MAD1L1: variants seen among roughly 807,000 people sequenced by gnomAD.
MAD1L1 encodes mitotic spindle assembly checkpoint protein MAD1.
In MAD1L1, 95 loss-of-function variants were observed where a neutral mutation model predicts 96.9. That is an observed-to-expected ratio of 0.98 (90% CI 0.83 to 1.16). The LOEUF is 1.16. MAD1L1 is among the 50% of genes most tolerant of loss of function. The pLI is 0.00. For missense variants in MAD1L1, 1,007 were observed against 954.4 expected (o/e 1.06, Z -0.73); for synonymous variants, 473 against 396.6 (o/e 1.19, Z -2.29).
At chr7:1,992,188 G>C in intron 14 of MAD1L1, among the ~76,000 whole-genome samples, 2 of 150,182 alleles carry the variant, frequency 1.3e-5, no homozygotes, top group African/African-American at 2.5e-5. Flanking sequence ...AGCACCGCTG[G>C]GTGCCTGAGC....
chr7:1,981,395 G>A (rs1392998823), intron 14 of MAD1L1, among the ~76,000 whole-genome samples: 1 of 152,192 alleles, frequency 6.6e-6, no homozygotes, highest in Non-Finnish European at 1.5e-5. Flanking sequence ...ACGGGGGCCT[G>A]GTCAGGCAGG....
intron 14 of MAD1L1, among the ~76,000 whole-genome samples, chr7:1,982,787 CACTGGAGCT>C (rs917345754): frequency 1.3e-5 from 2 of 152,186 alleles, no homozygotes; most frequent in African/African-American, 4.8e-5. Flanking sequence ...CCTGTGGCTT[CACTGGAGCT>C]GAAGCCAATA....
At chr7:2,091,460 T>C (rs1394482894) in intron 11 of MAD1L1, among the ~76,000 whole-genome samples, 3 of 152,232 alleles carry the variant, frequency 2.0e-5, no homozygotes, top group African/African-American at 7.2e-5. Flanking sequence ...GGTCTGGCTT[T>C]TCTCACTTAG....
chr7:1,985,293 G>C (rs1389255637), intron 14 of MAD1L1, among the ~76,000 whole-genome samples: 2 of 152,226 alleles, frequency 1.3e-5, no homozygotes, highest in Admixed American at 6.5e-5. Flanking sequence ...TGGCCTGAGC[G>C]GGGCAGCTCC....
rs543954794 is a variant in MAD1L1 at position 1,819,682 on chromosome 7, G to A, written c.1999-3454C>T. 3.3e-5 allele frequency among the ~76,000 whole-genome samples: 5 copies of A among 152,254 alleles called. No individual in the cohort carries two copies. In the East Asian group the frequency reaches 7.7e-4, roughly 23 times the overall value. On this transcript the variant is annotated intron_variant, in intron 18 of 18. Coordinates refer to ENST00000265854, the MANE Select transcript of MAD1L1 (RefSeq NM_001013836.2). Reference sequence around the variant, plus strand: ...GAGCCGAGCCCCATGGTGTCCCAGCGGGCACGGACAAGAGGCACGGAGTGA... The same window carrying A: ...GAGCCGAGCCCCATGGTGTCCCAGCAGGCACGGACAAGAGGCACGGAGTGA...
rs567760101 is a variant in MAD1L1, at chr7:1,892,886, G to A, written c.1998+5314C>T. On this transcript the variant is annotated intron_variant, in intron 18 of 18. Coordinates refer to ENST00000265854, the MANE Select transcript of MAD1L1 (RefSeq NM_001013836.2). Reference sequence around the variant, plus strand: ...CAAACTGCATTTGCTCTGTGTCCCCGGCCTGGTCACTCCACTTCTTCTTAC... The same window carrying A: ...CAAACTGCATTTGCTCTGTGTCCCCAGCCTGGTCACTCCACTTCTTCTTAC... 5.9e-5 allele frequency among the ~76,000 whole-genome samples: 9 copies of A among 152,286 alleles called. No homozygotes were observed. The East Asian group carries it at 7.7e-4, about 13-fold the overall frequency.
Position 2,222,678 on chromosome 7 carries a change from T to G in MAD1L1, c.368A>C (p.Lys123Thr). Reference protein sequence around the residue: ...LQEREAGAEEKMQEQLERNRQ... With the variant: ...LQEREAGAEETMQEQLERNRQ... Reference sequence around the variant, plus strand: ...GTTGCGCTCCAGCTGCTCCTGCATCTTCTCCTCCGCCCCGGCCTCCCGCTC... The same window carrying G: ...GTTGCGCTCCAGCTGCTCCTGCATCGTCTCCTCCGCCCCGGCCTCCCGCTC... Residue 123 changes from lysine (K) to threonine (T), a missense_variant, in exon 5 of 19, where the codon AAG becomes ACG. Coordinates refer to ENST00000265854, the MANE Select transcript of MAD1L1 (RefSeq NM_001013836.2). 1 of 1,612,854 alleles carries G rather than the reference T, an allele frequency of 6.2e-7. No individual in the cohort carries two copies. The highest frequency in any genetic ancestry group is 8.5e-7 in the Non-Finnish European group (1 of 1,179,894).
rs761099026 is a variant in MAD1L1 at position 2,230,021 on chromosome 7, G to A, written c.113C>T (p.Pro38Leu). 1 of 1,613,632 alleles carries A rather than the reference G, an allele frequency of 6.2e-7. No individual in the cohort carries two copies. The highest frequency in any genetic ancestry group is 1.1e-5 in the South Asian group (1 of 91,028). ...CTGGTACTGCATCTGCAGAGAACCT[G>A]GGGCCGAGGTAGAAATATCCAGTCC... The part of the protein sequence containing the change: ...GSGLDISTSA[P>L]GSLQMQYQQS... The change falls in exon 3 of 19, where the codon CCA (proline) becomes CTA (leucine). Residue 38 changes from proline (P) to leucine (L), a missense_variant. Coordinates refer to ENST00000265854, the MANE Select transcript of MAD1L1 (RefSeq NM_001013836.2).
At chr7:2,191,813 A>G (rs1791733384) in intron 10 of MAD1L1, among the ~76,000 whole-genome samples, 1 of 151,248 alleles carries the variant, frequency 6.6e-6, no homozygotes, top group Non-Finnish European at 1.5e-5. Flanking sequence ...CAGGCGGATC[A>G]TGAGGTCAGG....
chr7:1,935,389 C>A (rs547032697), intron 17 of MAD1L1, among the ~76,000 whole-genome samples: 2 of 152,334 alleles, frequency 1.3e-5, no homozygotes, highest in East Asian at 3.9e-4. Flanking sequence ...AATCTGGCAA[C>A]ACAGGCCCCC....
At chr7:2,006,059 G>A (rs767630416) in intron 13 of MAD1L1, among the ~76,000 whole-genome samples, 1 of 151,824 alleles carries the variant, frequency 6.6e-6, no homozygotes, top group Non-Finnish European at 1.5e-5. Context: ...GGGAGCTCAG[G>A]TCTGGCTTAT....
chr7:2,172,890 C>T (rs1172106747), intron 10 of MAD1L1, among the ~76,000 whole-genome samples: 1 of 152,232 alleles, frequency 6.6e-6, no homozygotes, highest in Non-Finnish European at 1.5e-5. Flanking sequence ...TGGGAGCGTG[C>T]ACACCGCGGT....
chr7:2,174,090 G>T (rs1475749298), intron 10 of MAD1L1, among the ~76,000 whole-genome samples: 1 of 152,174 alleles, frequency 6.6e-6, no homozygotes, highest in Non-Finnish European at 1.5e-5. Flanking sequence ...AAAGTGCTGG[G>T]ATTACAGGTA....
In MAD1L1 at chr7:2,079,922, G is replaced by A. The variant is rs955770953; in HGVS notation, c.1074-10584C>T. ...AAAGAGAAGCCACAGAAGATAATCC[G>A]GTGCCTGGAGTGACGCAGAGAGGCA... On this transcript the variant is annotated intron_variant, in intron 11 of 18. Transcript: ENST00000265854. The A allele has an allele frequency of 3.0e-5, 11 of 369,464 alleles. No individual in the cohort carries two copies. In the Admixed American group the frequency reaches 3.0e-4, roughly 10 times the overall value. 22.9% of individuals were successfully genotyped at this position (369,464 alleles called of 1,614,324 possible). A position where few individuals can be genotyped will look rare whatever the true frequency, so the allele number is the denominator to read the frequency against.
intron 18 of MAD1L1, among the ~76,000 whole-genome samples, chr7:1,825,166 G>T (rs1057143252): frequency 2.0e-5 from 3 of 152,174 alleles, no homozygotes; most frequent in Non-Finnish European, 2.9e-5. Flanking sequence ...AAGACAGGCC[G>T]CTGAGCACAC....
rs2128478589 is a variant in MAD1L1, at chr7:1,968,557, C to T, written c.1506-10838G>A. On this transcript the variant is annotated intron_variant, in intron 15 of 18. Transcript: ENST00000265854. The surrounding 1 kb of genome is among the most constrained non-coding windows in gnomAD (Gnocchi z 5.6). ...CCAGCGGTCATGTCCACCATCAACG[C>T]CTCAGTCCAGCGGTCAGGTCCACTG... Among the ~76,000 whole-genome samples, 1 of 151,968 alleles carries T rather than the reference C, an allele frequency of 6.6e-6. No individual in the cohort carries two copies. The highest frequency in any genetic ancestry group is 1.5e-5 in the Non-Finnish European group (1 of 67,968).
chr7:2,036,950 G>A (rs1783463528), intron 12 of MAD1L1, among the ~76,000 whole-genome samples: 1 of 151,978 alleles, frequency 6.6e-6, no homozygotes, highest in African/African-American at 2.4e-5. Flanking sequence ...ACTCCTCCCA[G>A]GGCTCCTCCA....
chr7:2,033,562 C>A (rs768145980), intron 12 of MAD1L1, among the ~76,000 whole-genome samples: 1 of 152,180 alleles, frequency 6.6e-6, no homozygotes, highest in Non-Finnish European at 1.5e-5. Context: ...ATCACTAACA[C>A]GGTAATAGAA....
At chr7:1,887,462 T>G (rs1786140687) in intron 18 of MAD1L1, among the ~76,000 whole-genome samples, 1 of 149,394 alleles carries the variant, frequency 6.7e-6, no homozygotes, top group Non-Finnish European at 1.5e-5. Context: ...TGCGTGCACA[T>G]GTGCATGCAT....
Sources: gnomAD v4.1 joint callset for allele counts (sites outside exome capture counted in the v4.1 genomes callset) on GRCh38, gnomAD v4.1.1 for gene constraint, Gnocchi (gnomAD v3.1) non-coding constraint, MANE v1.5 for transcripts, NCBI Gene and HGNC (gene_info 2026-07-23, HGNC 2026-07-21) for gene names.